USP5: variants seen among roughly 807,000 people sequenced by gnomAD.
USP5 encodes ubiquitin specific peptidase 5.
USP5 carries 24 observed loss-of-function variants against 102.5 expected under a neutral mutation model. That is an observed-to-expected ratio of 0.23 (90% CI 0.17 to 0.33). The LOEUF (loss-of-function observed/expected upper bound fraction) is 0.33. Ranked by LOEUF, USP5 falls within the 10% of genes least tolerant of loss-of-function variation. USP5 has a pLI of 1.00. For missense variants in USP5, 753 were observed against 1,122.1 expected, an observed-to-expected ratio of 0.67 and a Z score of 4.70; for synonymous variants, 460 against 434.8, an observed-to-expected ratio of 1.06 and a Z score of -0.72.
rs200353491 is a variant in USP5, at chr12:6,860,411, G to A, written c.1264G>A (p.Gly422Ser). The A allele has an allele frequency of 7.4e-5, 120 of 1,614,100 alleles. No homozygotes were observed. The highest frequency in any genetic ancestry group is 9.8e-5 in the Non-Finnish European group (116 of 1,180,016). The change falls in exon 11 of 20, where the codon GGC (glycine) becomes AGC (serine). Residue 422 changes from glycine (G) to serine (S), a missense_variant. Physicochemically the swap from Gly to Ser is moderately conservative, Grantham distance 56. This residue lies in a region of USP5 where 527 missense variants were observed against 816.5 expected (regional missense o/e 0.65). Transcript: ENST00000229268. This position sits in a 1 kb window ranked among gnomAD's most constrained non-coding sequence, Gnocchi z 5.5. ...CCCTCGGATGTTCAAGGCCCTCATC[G>A]GCAAGGGCCACCCTGAATTCTCCAC... ...IAPRMFKALI[G>S]KGHPEFSTNR...
At position 6,856,659 on chromosome 12, in the gene USP5, T is replaced by G. The variant is rs1944122853; in HGVS notation, c.585-48T>G. The G allele has an allele frequency of 1.2e-6, 2 of 1,604,112 alleles. No homozygotes were observed. The highest frequency in any genetic ancestry group is 2.7e-5 in the African/African-American group (2 of 74,902). On this transcript the variant is annotated intron_variant, in intron 5 of 19. Coordinates refer to ENST00000229268, the MANE Select transcript of USP5 (RefSeq NM_001098536.2). The surrounding 1 kb of genome is among the most constrained non-coding windows in gnomAD (Gnocchi z 5.6). ...AGAGCCCTCTCTCTCTGCCACTCCC[T>G]CAAATCCCCGACCCACATTTCTGCT...
rs1379762200 is a variant in USP5 at position 6,855,714 on chromosome 12, T to C, written c.238-41T>C. 2.5e-6 allele frequency: 4 copies of C among 1,613,358 alleles called. No homozygotes were observed. In the African/African-American group the frequency reaches 4.0e-5, roughly 16 times the overall value. On this transcript the variant is annotated intron_variant, in intron 2 of 19. Transcript: ENST00000229268. This position sits in a 1 kb window ranked among gnomAD's most constrained non-coding sequence, Gnocchi z 4.6. ...CCCTCCTCCCGACTTGTTCCTTCGC[T>C]CGTGCTCATTGCTGATCCAGCCCTT...
chr12:6,858,598 A>G lies in USP5; in HGVS notation c.1039A>G (p.Ile347Val). ...CTCTGTGGTCCAGGTGCTCTTCAGC[A>G]TCCCTGACTTCCAGAGGAAGTGAGT... is the stretch of plus-strand genomic sequence containing the variant. Reference protein sequence around the residue: ...LNSVVQVLFSIPDFQRKYVDK... With the variant: ...LNSVVQVLFSVPDFQRKYVDK... The change falls in exon 8 of 20, where the codon ATC (isoleucine) becomes GTC (valine). Residue 347 changes from isoleucine (I) to valine (V), a missense_variant. Physicochemically the swap from Ile to Val is conservative, Grantham distance 29. This residue lies in a region of USP5 where 527 missense variants were observed against 816.5 expected (regional missense o/e 0.65). Coordinates refer to ENST00000229268, the MANE Select transcript of USP5 (RefSeq NM_001098536.2). This position sits in a 1 kb window ranked among gnomAD's most constrained non-coding sequence, Gnocchi z 4.2. The G allele has an allele frequency of 6.2e-7, 1 of 1,605,824 alleles. No homozygotes were observed. The highest frequency in any genetic ancestry group is 8.5e-7 in the Non-Finnish European group (1 of 1,173,004).
Position 6,860,446 on chromosome 12 carries a change from G to A in USP5, c.1299G>A (p.Gln433=). ...ACCCTGAATTCTCCACCAACCGGCA[G>A]CAGGATGCCCAGGAGTTCTTCCTTC... is the stretch of plus-strand genomic sequence containing the variant. ...KGHPEFSTNR[Q]QDAQEFFLHL... The change falls in exon 11 of 20, where the codon CAG becomes CAA. Residue 433 remains glutamine, a synonymous_variant. Transcript: ENST00000229268. This position sits in a 1 kb window ranked among gnomAD's most constrained non-coding sequence, Gnocchi z 5.5. 1 of 1,614,166 alleles carries A rather than the reference G, an allele frequency of 6.2e-7. No individual in the cohort carries two copies. The highest frequency in any genetic ancestry group is 1.3e-5 in the African/African-American group (1 of 75,042).
Position 6,861,504 on chromosome 12 carries a change from A to C in USP5, c.1560A>C (p.Pro520=). Residue 520 remains proline, a synonymous_variant, in exon 13 of 20, where the codon CCA becomes CCC. Coordinates refer to ENST00000229268, the MANE Select transcript of USP5 (RefSeq NM_001098536.2). The surrounding 1 kb of genome is among the most constrained non-coding windows in gnomAD (Gnocchi z 4.9). ...RQAEEEKMAL[P]ELVRAQVPFS... ...CCGAAGAGGAGAAGATGGCACTGCC[A>C]GAACTGGTTCGGGCCCAGGTGCCCT... The C allele has an allele frequency of 2.5e-6, 4 of 1,600,964 alleles. No homozygotes were observed. The highest frequency in any genetic ancestry group is 3.4e-6 in the Non-Finnish European group (4 of 1,169,510).
Position 6,856,676 on chromosome 12 carries a change from A to G in USP5, c.585-31A>G. On this transcript the variant is annotated intron_variant, in intron 5 of 19. Transcript: ENST00000229268. This position sits in a 1 kb window ranked among gnomAD's most constrained non-coding sequence, Gnocchi z 5.6. ...CCACTCCCTCAAATCCCCGACCCAC[A>G]TTTCTGCTGATTCTCTTCTCTGTGG... 6.2e-7 allele frequency: 1 copy of G among 1,610,952 alleles called. No homozygotes were observed. Among genetic ancestry groups the G allele is most frequent in the Non-Finnish European group, 8.5e-7 (1 of 1,178,500 alleles).
At chr12:6,857,238 G>A (rs1555128540) in intron 6 of USP5, among the ~76,000 whole-genome samples, 1 of 152,168 alleles carries the variant, frequency 6.6e-6, no homozygotes, top group African/African-American at 2.4e-5. Flanking sequence ...TGAGGCTGCA[G>A]TGAGCTATGA....
In USP5 at chr12:6,864,290, G is replaced by C; in HGVS notation, c.2244+95G>C. The C allele has an allele frequency of 6.8e-7, 1 of 1,466,604 alleles. No individual in the cohort carries two copies. The highest frequency in any genetic ancestry group is 9.0e-7 in the Non-Finnish European group (1 of 1,109,490). The allele number at this position is 1,466,604 out of a possible 1,614,324, so 90.8% of individuals were successfully genotyped here. ...TCTTGAGCAAGACCAAAGACAACAGGTGTGGTCTGGCCGAGGTTGGGCACC... is the reference window on the plus strand; with the variant it reads ...TCTTGAGCAAGACCAAAGACAACAGCTGTGGTCTGGCCGAGGTTGGGCACC... On this transcript the variant is annotated intron_variant, in intron 17 of 19. Coordinates refer to ENST00000229268, the MANE Select transcript of USP5 (RefSeq NM_001098536.2). The surrounding 1 kb of genome is among the most constrained non-coding windows in gnomAD (Gnocchi z 4.8).
At position 6,861,520 on chromosome 12, in the gene USP5, C is replaced by G. The variant is rs1184915525; in HGVS notation, c.1576C>G (p.Gln526Glu). The change falls in exon 13 of 20, where the codon CAG becomes GAG. Residue 526 changes from glutamine (Q) to glutamate (E), a missense_variant. Coordinates refer to ENST00000229268, the MANE Select transcript of USP5 (RefSeq NM_001098536.2). This position sits in a 1 kb window ranked among gnomAD's most constrained non-coding sequence, Gnocchi z 4.9. ...KMALPELVRAQVPFSSCLEAY... is the reference protein window; with the variant it reads ...KMALPELVRAEVPFSSCLEAY... Reference sequence around the variant, plus strand: ...GGCACTGCCAGAACTGGTTCGGGCCCAGGTGCCCTTCAGCTCTTGCCTGGA... The same window carrying G: ...GGCACTGCCAGAACTGGTTCGGGCCGAGGTGCCCTTCAGCTCTTGCCTGGA... 6.2e-7 allele frequency: 1 copy of G among 1,601,960 alleles called. No homozygotes were observed. The highest frequency in any genetic ancestry group is 1.3e-5 in the African/African-American group (1 of 74,724).
At position 6,855,545 on chromosome 12, in the gene USP5, C is replaced by T; in HGVS notation, c.237+19C>T. The T allele has an allele frequency of 2.5e-6, 4 of 1,613,624 alleles. No individual in the cohort carries two copies. Among genetic ancestry groups the T allele is most frequent in the Non-Finnish European group, 3.4e-6 (4 of 1,179,898 alleles). On this transcript the variant is annotated intron_variant, in intron 2 of 19. Transcript: ENST00000229268. The surrounding 1 kb of genome is among the most constrained non-coding windows in gnomAD (Gnocchi z 4.6). ...GCGCCCGGTAGGAGCAGGGCTGGGG[C>T]AAGGCCTGGGTACATTGTCTGTTCC...
In USP5 at chr12:6,856,023, A is replaced by T. The variant is rs782318022; in HGVS notation, c.311A>T (p.Glu104Val). The change falls in exon 4 of 20, where the codon GAA (glutamate) becomes GTA (valine). Residue 104 changes from glutamate to valine, a missense_variant. Glu to Val is a moderately radical substitution (Grantham distance 121). This residue lies in a region of USP5 where 527 missense variants were observed against 816.5 expected (regional missense o/e 0.65). Coordinates refer to ENST00000229268, the MANE Select transcript of USP5 (RefSeq NM_001098536.2). This position sits in a 1 kb window ranked among gnomAD's most constrained non-coding sequence, Gnocchi z 5.6. The part of the protein sequence containing the change: ...KKPTRLAIGV[E>V]GGFDLSEEKF... ...TTCTTCCCTATCCTTCCAGGTGTTG[A>T]AGGCGGATTTGACCTTAGCGAGGAG... 5.6e-6 allele frequency: 9 copies of T among 1,614,036 alleles called. No individual in the cohort carries two copies. The highest frequency in any genetic ancestry group is 1.7e-5 in the Admixed American group (1 of 60,000).
In USP5 at chr12:6,855,646, T is replaced by C; in HGVS notation, c.238-109T>C. ...CATTAAAGCTTGGCACAGATGTTTTTTAGCTTTATTCCGTTCTGAGATGAA... is the reference window on the plus strand; with the variant it reads ...CATTAAAGCTTGGCACAGATGTTTTCTAGCTTTATTCCGTTCTGAGATGAA... On this transcript the variant is annotated intron_variant, in intron 2 of 19. Transcript: ENST00000229268. The surrounding 1 kb of genome is among the most constrained non-coding windows in gnomAD (Gnocchi z 4.6). 1 of 1,586,870 alleles carries C rather than the reference T, an allele frequency of 6.3e-7. No individual in the cohort carries two copies. Among genetic ancestry groups the C allele is most frequent in the Non-Finnish European group, 8.6e-7 (1 of 1,166,090 alleles).
At chr12:6,865,601 T>G (rs1404385195) in intron 19 of USP5, among the ~76,000 whole-genome samples, 2 of 152,202 alleles carry the variant, frequency 1.3e-5, no homozygotes, top group Non-Finnish European at 2.9e-5. Context: ...CACTGGAACC[T>G]GGACACACTT....
At position 6,860,659 on chromosome 12, in the gene USP5, C is replaced by A. The variant is rs937256400; in HGVS notation, c.1344+168C>A. Among the ~76,000 whole-genome samples the A allele has an allele frequency of 6.6e-6, 1 of 152,186 alleles. No homozygotes were observed. Among genetic ancestry groups the A allele is most frequent in the Non-Finnish European group, 1.5e-5 (1 of 68,028 alleles). On this transcript the variant is annotated intron_variant, in intron 11 of 19. Transcript: ENST00000229268. This position sits in a 1 kb window ranked among gnomAD's most constrained non-coding sequence, Gnocchi z 5.5. ...TGAGGAGGACAGTGAAGGTGATGAT[C>A]CCTACCCTTGATGGGCTTGAAGCCC... is the stretch of plus-strand genomic sequence containing the variant.
In USP5 at chr12:6,860,308, A is replaced by G. The variant is rs11832671; in HGVS notation, c.1219-58A>G. On this transcript the variant is annotated intron_variant, in intron 10 of 19. Coordinates refer to ENST00000229268, the MANE Select transcript of USP5 (RefSeq NM_001098536.2). This position sits in a 1 kb window ranked among gnomAD's most constrained non-coding sequence, Gnocchi z 5.5. ...AAGCTGAGGTCTGGGAGATGTCTAA[A>G]GAAGGCCCCTGGATGGCCACTGAGC... 15,345 of 1,613,208 alleles carry G rather than the reference A, an allele frequency of 9.5e-3. 717 individuals are homozygous for G. In the Admixed American group the frequency reaches 0.1, roughly 11 times the overall value.
rs1126996 is a variant in USP5 at position 6,859,512 on chromosome 12, G to A, written c.1101G>A (p.Thr367=). 2.1e-5 allele frequency: 34 copies of A among 1,614,148 alleles called. No individual in the cohort carries two copies. The highest frequency in any genetic ancestry group is 1.9e-4 in the South Asian group (17 of 91,086). ...AGAAGATCTTCCAGAATGCCCCGAC[G>A]GACCCTACCCAGGATTTCAGCACCC... ...KLEKIFQNAP[T]DPTQDFSTQV... Residue 367 remains threonine (T), a synonymous_variant, in exon 9 of 20, where the codon ACG becomes ACA. Transcript: ENST00000229268.
At position 6,861,217 on chromosome 12, in the gene USP5, A is replaced by T; in HGVS notation, c.1498+111A>T. Reference sequence around the variant, plus strand: ...CAGGGAATGCCCTGCTTCACCAGCCAAGGTTCCAGTCTGGGCCACCAGGAG... The same window carrying T: ...CAGGGAATGCCCTGCTTCACCAGCCTAGGTTCCAGTCTGGGCCACCAGGAG... On this transcript the variant is annotated intron_variant, in intron 12 of 19. Coordinates refer to ENST00000229268, the MANE Select transcript of USP5 (RefSeq NM_001098536.2). This position sits in a 1 kb window ranked among gnomAD's most constrained non-coding sequence, Gnocchi z 4.9. The T allele has an allele frequency of 3.3e-6, 5 of 1,526,142 alleles. No individual in the cohort carries two copies. The highest frequency in any genetic ancestry group is 4.4e-6 in the Non-Finnish European group (5 of 1,135,160). The allele number at this position is 1,526,142 out of a possible 1,614,324, so 94.5% of individuals were successfully genotyped here. A position where few individuals can be genotyped will look rare whatever the true frequency, so the allele number is the denominator to read the frequency against.
At position 6,866,213 on chromosome 12, in the gene USP5, AGGCCGTGGGAGAAT is replaced by A. The variant is rs1555130855; in HGVS notation, c.*140_*153del. ...TCCCCGGCAGCAGGGAAGAAGCTGG[AGGCCGTGGGAGAAT>A]GGCTGGGCAGAGCAGAGGGGCAGCG... On this transcript the variant is annotated 3_prime_UTR_variant, in exon 20 of 20. Transcript: ENST00000229268. The surrounding 1 kb of genome is among the most constrained non-coding windows in gnomAD (Gnocchi z 4.7). The A allele has an allele frequency of 1.3e-6, 1 of 768,408 alleles. No individual in the cohort carries two copies. Among genetic ancestry groups the A allele is most frequent in the African/African-American group, 1.8e-5 (1 of 57,000 alleles). The allele number at this position is 768,408 out of a possible 1,614,324, so 47.6% of individuals were successfully genotyped here.
In USP5 at chr12:6,860,593, G is replaced by T; in HGVS notation, c.1344+102G>T. On this transcript the variant is annotated intron_variant, in intron 11 of 19. Coordinates refer to ENST00000229268, the MANE Select transcript of USP5 (RefSeq NM_001098536.2). The surrounding 1 kb of genome is among the most constrained non-coding windows in gnomAD (Gnocchi z 5.5). ...TCAGCCCCAACCCAGTCCCATCCCT[G>T]AACCCCAACAGTCTGTGTCCCTGTG... 6.4e-7 allele frequency: 1 copy of T among 1,557,086 alleles called. No individual in the cohort carries two copies. Among genetic ancestry groups the T allele is most frequent in the Admixed American group, 1.7e-5 (1 of 58,524 alleles).
Sources: allele counts gnomAD v4.1 joint callset (sites outside exome capture counted in the v4.1 genomes callset), GRCh38; gene constraint gnomAD v4.1.1; regional missense constraint gnomAD v4.1.1; non-coding constraint Gnocchi (gnomAD v3.1); transcripts MANE v1.5; gene names NCBI Gene and HGNC (gene_info 2026-07-23, HGNC 2026-07-21).